The following MAPK10 variants were observed in gnomAD, a reference collection of about 807,000 sequenced individuals.
The protein encoded by MAPK10 is mitogen-activated protein kinase 10, also known as JNK3 alpha protein kinase.
A neutral mutation model predicts 59.3 loss-of-function variants in MAPK10; 25 were observed. The observed-to-expected ratio is 0.42, with a 90% CI of 0.31 to 0.59. The LOEUF (loss-of-function observed/expected upper bound fraction) is 0.59. Ranked by LOEUF, MAPK10 falls within the 20% of genes least tolerant of loss-of-function variation. The probability of loss-of-function intolerance (pLI) is 0.15; values close to 1 mark genes in which losing one functional copy is unlikely to be tolerated. For missense variants in MAPK10, 351 were observed against 568.9 expected, an observed-to-expected ratio of 0.62 and a Z score of 3.90; for synonymous variants, 190 against 200.5, an observed-to-expected ratio of 0.95 and a Z score of 0.44.
intron 3 of MAPK10, among the ~76,000 whole-genome samples, chr4:86,190,654 G>T (rs1582372936): frequency 1.3e-5 from 2 of 151,574 alleles, no homozygotes; most frequent in Non-Finnish European, 2.9e-5. Context: ...TTATTAGTCT[G>T]GCTAGCAGTC....
At position 86,324,050 on chromosome 4, in the gene MAPK10, C is replaced by A. The variant is rs563307147; in HGVS notation, c.-7+30480G>T. 1.3e-3 allele frequency among the ~76,000 whole-genome samples: 193 copies of A among 152,114 alleles called. 1 individual carries two copies. The highest frequency in any genetic ancestry group is 4.6e-3 in the African/African-American group (190 of 41,500). On this transcript the variant is annotated intron_variant, in intron 2 of 13. Transcript: ENST00000641462. Reference sequence around the variant, plus strand: ...TCTCTTTGAGGTAGAAAGTTCCCAGCAAAGGTTTTAGAGAAGCAACATCAA... The same window carrying A: ...TCTCTTTGAGGTAGAAAGTTCCCAGAAAAGGTTTTAGAGAAGCAACATCAA...
intron 3 of MAPK10, among the ~76,000 whole-genome samples, chr4:86,172,287 C>T (rs1269027089): frequency 9.0e-5 from 13 of 144,336 alleles, no homozygotes; most frequent in South Asian, 8.6e-4. Context: ...ATGTTTATTG[C>T]GGCACTATTC....
chr4:86,232,625 G>A (rs1416802096), intron 2 of MAPK10, among the ~76,000 whole-genome samples: 13 of 151,864 alleles, frequency 8.6e-5, no homozygotes, highest in Admixed American at 6.6e-4. Context: ...CGCCTGCCTG[G>A]GCCTCCCAAA....
Position 86,424,295 on chromosome 4 carries a change from T to G in MAPK10, c.-122+28735A>C, listed in dbSNP as rs368979229. The stretch of plus-strand genomic sequence containing the variant: ...ACCTCCACCTCCCAGGTTCAAGCGA[T>G]TCTCCTGTCTCAGCTTCCCAAGTAG... On this transcript the variant is annotated intron_variant, in intron 1 of 13. Transcript: ENST00000361569. Among the ~76,000 whole-genome samples the G allele has an allele frequency of 2.6e-4, 39 of 152,294 alleles. 1 individual carries two copies. The South Asian group carries it at 8.1e-3, about 32-fold the overall frequency.
At chr4:86,584,193 G>A (rs996803972) in intron 1 of MAPK10, among the ~76,000 whole-genome samples, 22 of 152,270 alleles carry the variant, frequency 1.4e-4, no homozygotes, top group Admixed American at 1.0e-3. Context: ...CACTTCTGCA[G>A]TTAAGCCCAG....
intron 2 of MAPK10, among the ~76,000 whole-genome samples, chr4:86,299,895 C>A (rs193108158): frequency 2.8e-3 from 421 of 151,548 alleles, no homozygotes; most frequent in Non-Finnish European, 2.2e-3. Flanking sequence ...TATTTTTTTT[C>A]TTTTTTTGTT....
chr4:86,101,843 A>G, intron 7 of MAPK10, 51 bp downstream of exon 7: 1 of 1,589,380 alleles, frequency 6.3e-7, no homozygotes, highest in Non-Finnish European at 8.6e-7. Context: ...ATCTACAGTT[A>G]CTCTTCCTCT....
At chr4:86,135,748 G>A (rs1405697488) in intron 4 of MAPK10, among the ~76,000 whole-genome samples, 3 of 151,984 alleles carry the variant, frequency 2.0e-5, no homozygotes, top group Non-Finnish European at 4.4e-5. Flanking sequence ...AGCTATGGGA[G>A]GACATTCAAA....
intron 1 of MAPK10, among the ~76,000 whole-genome samples, chr4:86,583,536 C>T (rs542477238): frequency 5.9e-5 from 9 of 152,174 alleles, no homozygotes; most frequent in East Asian, 1.9e-4. Context: ...CATTCTTTTT[C>T]GGTCTTGAAA....
intron 1 of MAPK10, among the ~76,000 whole-genome samples, chr4:86,423,563 G>C (rs1746808526): frequency 6.6e-6 from 1 of 151,976 alleles, no homozygotes; most frequent in African/African-American, 2.4e-5. Context: ...ACAGAAGAAA[G>C]TGTAGACAGG....
rs532154935 is a variant in MAPK10 at position 86,069,560 on chromosome 4, T to G, written c.803-1605A>C. ...CTTAGACATGAGCCTGTATTAATAC[T>G]ATGGATATAGGTAAGCTATAAGTAC... On this transcript the variant is annotated intron_variant, in intron 9 of 13. Transcript: ENST00000641462. Among the ~76,000 whole-genome samples, 259 of 152,236 alleles carry G rather than the reference T, an allele frequency of 1.7e-3. 1 individual carries two copies. Among genetic ancestry groups the G allele is most frequent in the Non-Finnish European group, 2.5e-3 (171 of 67,940 alleles).
chr4:86,576,045 G>A (rs1300626946), intron 1 of MAPK10, among the ~76,000 whole-genome samples: 1 of 148,466 alleles, frequency 6.7e-6, no homozygotes, highest in Non-Finnish European at 1.5e-5. Flanking sequence ...CCAGGCTGGA[G>A]TGCAGTGATG....
chr4:86,303,508 G>C (rs2095506446), intron 2 of MAPK10, among the ~76,000 whole-genome samples: 1 of 152,182 alleles, frequency 6.6e-6, no homozygotes, highest in Non-Finnish European at 1.5e-5. Context: ...CAGACAGATA[G>C]ATAGATAACA....
rs564899516 is a variant in MAPK10 at position 86,233,659 on chromosome 4, G to T, written c.-6-39252C>A. On this transcript the variant is annotated intron_variant, in intron 2 of 13. Coordinates refer to ENST00000641462, the MANE Select transcript of MAPK10 (RefSeq NM_138982.4). ...AAGGTAATCCATAGCCTCCGAGTGT[G>T]AGCAGAAGTAGAAAGATACCACCTA... is the stretch of plus-strand genomic sequence containing the variant. 2.0e-5 allele frequency among the ~76,000 whole-genome samples: 3 copies of T among 152,284 alleles called. No homozygotes were observed. In the South Asian group the frequency reaches 6.2e-4, roughly 32 times the overall value.
At chr4:86,070,357 T>A (rs1244402300) in intron 9 of MAPK10, among the ~76,000 whole-genome samples, 1 of 152,140 alleles carries the variant, frequency 6.6e-6, no homozygotes, top group East Asian at 1.9e-4. Flanking sequence ...TCTTTTTTTT[T>A]TTGTAGCACT....
chr4:86,471,139 C>A (rs576680300), intron 1 of MAPK10, among the ~76,000 whole-genome samples: 4 of 151,656 alleles, frequency 2.6e-5, no homozygotes, highest in Non-Finnish European at 4.4e-5. Context: ...TGTGGTGGCA[C>A]GTGCCTGTAA....
At position 86,428,754 on chromosome 4, in the gene MAPK10, C is replaced by CT. The variant is rs1284953674; in HGVS notation, c.-122+24275dup. ...CATTCTTATTAACATTTCACAATTT[C>CT]TTTTTTTAACACAAATTCTCCTCAC... On this transcript the variant is annotated intron_variant, in intron 1 of 13. Coordinates refer to the MAPK10 transcript ENST00000361569. Among the ~76,000 whole-genome samples the CT allele has an allele frequency of 7.2e-5, 11 of 152,220 alleles. No homozygotes were observed. The South Asian group carries it at 1.9e-3, about 26-fold the overall frequency.
At chr4:86,169,211 A>G (rs755494218) in intron 3 of MAPK10, among the ~76,000 whole-genome samples, 82 of 152,390 alleles carry the variant, frequency 5.4e-4, no homozygotes, top group Non-Finnish European at 9.0e-4. Context: ...AAAGCTGGAC[A>G]GAGAATGACT....
intron 2 of MAPK10, chr4:86,277,360 C>T (rs1001115732): frequency 3.3e-5 from 5 of 152,078 alleles, no homozygotes; most frequent in Non-Finnish European, 7.4e-5. Context: ...GGTTTATAGA[C>T]ATCATCTGTG....
Sources: gnomAD v4.1 joint callset for allele counts (sites outside exome capture counted in the v4.1 genomes callset) on GRCh38, gnomAD v4.1.1 for gene constraint, MANE v1.5 for transcripts, NCBI Gene and HGNC (gene_info 2026-07-23, HGNC 2026-07-21) for gene names.